The following PHKB variants were observed in gnomAD, a reference collection of about 807,000 sequenced individuals.
PHKB encodes phosphorylase b kinase regulatory subunit beta.
Under a neutral mutation model 152.1 loss-of-function variants are expected in PHKB, and 122 were observed. That is an observed-to-expected ratio of 0.80 (90% CI 0.69 to 0.93). The LOEUF is 0.93. Among genes scored for constraint, PHKB ranks in the 40% least tolerant of loss-of-function variants. PHKB has a pLI of 0.00. For missense variants in PHKB, 1,304 were observed against 1,328.4 expected (o/e 0.98, Z 0.29); for synonymous variants, 436 against 464.9 (o/e 0.94, Z 0.80).
chr16:47,653,910 T>G (rs1973284423), intron 20 of PHKB, among the ~76,000 whole-genome samples: 1 of 152,130 alleles, frequency 6.6e-6, no homozygotes, highest in Non-Finnish European at 1.5e-5. Flanking sequence ...AGGACAAAAA[T>G]CAGAGTTCAG....
intron 1 of PHKB, among the ~76,000 whole-genome samples, chr16:47,486,268 A>G (rs1340582803): frequency 6.6e-6 from 1 of 152,250 alleles, no homozygotes; most frequent in Non-Finnish European, 1.5e-5. Flanking sequence ...AGTTCAGTTC[A>G]TAAATATTTA....
At chr16:47,487,769 G>A (rs902736042) in intron 1 of PHKB, among the ~76,000 whole-genome samples, 3 of 152,178 alleles carry the variant, frequency 2.0e-5, no homozygotes, top group Admixed American at 6.5e-5. Context: ...TACAAAGGAC[G>A]TGATTCCATT....
chr16:47,680,930 C>G (rs1247546412), intron 26 of PHKB, among the ~76,000 whole-genome samples: 1 of 152,136 alleles, frequency 6.6e-6, no homozygotes, highest in Non-Finnish European at 1.5e-5. Context: ...TCCCTGTGCA[C>G]CCTGCTTTGA....
At chr16:47,654,720 C>T (rs1357338420) in intron 20 of PHKB, among the ~76,000 whole-genome samples, 1 of 150,334 alleles carries the variant, frequency 6.7e-6, no homozygotes. Context: ...CCGAACACCA[C>T]ATGTTCTCAC....
chr16:47,563,602 G>A lies in PHKB; in HGVS notation c.710+16054G>A, dbSNP rs117048067. On this transcript the variant is annotated intron_variant, in intron 7 of 30. Transcript: ENST00000323584. ...TTTGTTGTTCCATTTCTAGAGCATA[G>A]AGTAGGTTTAACATTCTTTCTTAAT... Among the ~76,000 whole-genome samples the A allele has an allele frequency of 4.3e-3, 652 of 152,248 alleles. 4 individuals are homozygous for A. Among genetic ancestry groups the A allele is most frequent in the Middle Eastern group, 0.02 (6 of 294 alleles).
intron 7 of PHKB, among the ~76,000 whole-genome samples, chr16:47,553,668 G>A (rs1386382906): frequency 6.6e-5 from 10 of 152,130 alleles, no homozygotes. Flanking sequence ...CCTGTTCGTC[G>A]ATTTATCTAC....
chr16:47,487,854 C>T (rs778874062), intron 1 of PHKB, among the ~76,000 whole-genome samples: 10 of 152,150 alleles, frequency 6.6e-5, no homozygotes, highest in African/African-American at 2.2e-4. Flanking sequence ...TGGGCTCCTG[C>T]GTTGAGTCCA....
chr16:47,521,996 TA>T (rs1281742209), intron 6 of PHKB, among the ~76,000 whole-genome samples: 1 of 152,242 alleles, frequency 6.6e-6, no homozygotes, highest in African/African-American at 2.4e-5. Flanking sequence ...TTAATAGTCA[TA>T]ATGGATATTG....
chr16:47,662,046 G>A (rs1430210656), intron 23 of PHKB, among the ~76,000 whole-genome samples: 1 of 152,116 alleles, frequency 6.6e-6, no homozygotes, highest in Non-Finnish European at 1.5e-5. Flanking sequence ...GAAAAGTATT[G>A]GAGCTTGGAT....
At chr16:47,561,898 C>G (rs1971482006) in intron 7 of PHKB, 1 of 152,130 alleles carries the variant, frequency 6.6e-6, no homozygotes, top group African/African-American at 2.4e-5. Flanking sequence ...TTTATATTTG[C>G]CAATTTTCTG....
At chr16:47,490,830 G>A (rs535733390) in intron 1 of PHKB, among the ~76,000 whole-genome samples, 1 of 152,126 alleles carries the variant, frequency 6.6e-6, no homozygotes, top group African/African-American at 2.4e-5. Flanking sequence ...AACCCACAGA[G>A]AAACCACATA....
At chr16:47,658,115 G>A (rs1973370844) in intron 20 of PHKB, among the ~76,000 whole-genome samples, 2 of 152,058 alleles carry the variant, frequency 1.3e-5, no homozygotes, top group Non-Finnish European at 2.9e-5. Flanking sequence ...CCATGATCTG[G>A]ACCTGCATCT....
At chr16:47,676,317 C>T (rs1469554907) in intron 26 of PHKB, 1 of 152,108 alleles carries the variant, frequency 6.6e-6, no homozygotes, top group African/African-American at 2.4e-5. Context: ...CCTTATGGTA[C>T]AATAAGCACA....
intron 23 of PHKB, among the ~76,000 whole-genome samples, chr16:47,662,538 G>A (rs1200968): frequency 0.99 from 151,101 of 152,356 alleles, 74,935 homozygotes; most frequent in East Asian, 1. Flanking sequence ...TTAATAATAC[G>A]TATAGTTCTG....
intron 1 of PHKB, among the ~76,000 whole-genome samples, chr16:47,496,343 C>T (rs1319202943): frequency 1.3e-5 from 2 of 151,438 alleles, no homozygotes; most frequent in East Asian, 3.9e-4. Flanking sequence ...TCTTTCTTTA[C>T]TTTCTTCTTA....
intron 1 of PHKB, among the ~76,000 whole-genome samples, chr16:47,473,530 G>T (rs1460958565): frequency 6.6e-6 from 1 of 151,510 alleles, no homozygotes; most frequent in East Asian, 1.9e-4. Flanking sequence ...GACTTTATTA[G>T]TTTATTTTAC....
At chr16:47,659,805 T>C (rs1482392306) in intron 20 of PHKB, among the ~76,000 whole-genome samples, 7 of 152,218 alleles carry the variant, frequency 4.6e-5, no homozygotes, top group Non-Finnish European at 8.8e-5. Flanking sequence ...TTTCACATCT[T>C]TTCCCAAAGC....
At chr16:47,503,923 T>C (rs1970367723) in intron 4 of PHKB, among the ~76,000 whole-genome samples, 1 of 152,174 alleles carries the variant, frequency 6.6e-6, no homozygotes, top group Admixed American at 6.5e-5. Context: ...ACTATAAAGC[T>C]CTATACAAAT....
intron 7 of PHKB, among the ~76,000 whole-genome samples, chr16:47,553,395 A>G (rs191084293): frequency 1.3e-5 from 2 of 152,094 alleles, no homozygotes; most frequent in Admixed American, 6.5e-5. Context: ...CAGGTCATTT[A>G]TGTTCTTCTC....
Sources: gnomAD v4.1 joint callset for allele counts (sites outside exome capture counted in the v4.1 genomes callset) on GRCh38, gnomAD v4.1.1 for gene constraint, MANE v1.5 for transcripts, NCBI Gene and HGNC (gene_info 2026-07-23, HGNC 2026-07-21) for gene names.